Variants in SLIT3 observed in about 807,000 individuals in gnomAD.
SLIT3 encodes slit guidance ligand 3.
A neutral mutation model predicts 184.0 loss-of-function variants in SLIT3; 68 were observed. The observed-to-expected ratio is 0.37, with a 90% confidence interval of 0.30 to 0.45. The LOEUF (loss-of-function observed/expected upper bound fraction) is 0.45, where lower values mean the gene tolerates loss of function less well. Among genes scored for constraint, SLIT3 ranks in the 20% least tolerant of loss-of-function variants. The pLI, the probability that SLIT3 is intolerant of heterozygous loss-of-function variation, is 1.00. For missense variants in SLIT3, 1,707 were observed against 2,026.0 expected, an observed-to-expected ratio of 0.84 and a Z score of 3.02; for synonymous variants, 831 against 828.6, an observed-to-expected ratio of 1.00 and a Z score of -0.05.
chr5:168,892,023 A>C (rs1448465053), intron 4 of SLIT3, among the ~76,000 whole-genome samples: 1 of 152,204 alleles, frequency 6.6e-6, no homozygotes, highest in African/African-American at 2.4e-5. Flanking sequence ...ATTTGTGACC[A>C]GTGAGGATGC....
At chr5:169,204,523 G>A (rs534881804) in intron 3 of SLIT3, among the ~76,000 whole-genome samples, 22 of 152,272 alleles carry the variant, frequency 1.4e-4, no homozygotes, top group African/African-American at 4.1e-4. Flanking sequence ...TAGGAGCGAG[G>A]CACATTGATG....
chr5:168,793,459 T>A (rs1165447433), intron 10 of SLIT3, among the ~76,000 whole-genome samples: 1 of 152,196 alleles, frequency 6.6e-6, no homozygotes, highest in Non-Finnish European at 1.5e-5. Context: ...AGTCGAACAT[T>A]TTTAAGTGTG....
chr5:168,955,016 A>G (rs1162950260), intron 4 of SLIT3, among the ~76,000 whole-genome samples: 1 of 121,688 alleles, frequency 8.2e-6, no homozygotes, highest in Non-Finnish European at 1.6e-5. Flanking sequence ...GTCTTTGGGC[A>G]TTCTGGAGGA....
chr5:168,880,130 A>G (rs1252186273), intron 5 of SLIT3, among the ~76,000 whole-genome samples: 1 of 152,086 alleles, frequency 6.6e-6, no homozygotes, highest in African/African-American at 2.4e-5. Context: ...TCTCTCTCCC[A>G]AGAGACAGCG....
chr5:168,740,497 C>T (rs1023587153), intron 20 of SLIT3, among the ~76,000 whole-genome samples: 1 of 152,176 alleles, frequency 6.6e-6, no homozygotes, highest in African/African-American at 2.4e-5. Flanking sequence ...CCTGAGATAA[C>T]TAATGAGACC....
chr5:169,117,768 C>T (rs1192427717), intron 4 of SLIT3, among the ~76,000 whole-genome samples: 2 of 152,192 alleles, frequency 1.3e-5, no homozygotes, highest in Non-Finnish European at 2.9e-5. Context: ...AAGGAGAACT[C>T]TGTTTCTCCT....
chr5:168,751,296 C>T (rs184675999), intron 18 of SLIT3, among the ~76,000 whole-genome samples: 165 of 152,250 alleles, frequency 1.1e-3, no homozygotes, highest in Non-Finnish European at 4.3e-4. Flanking sequence ...TTTGCTTCTG[C>T]CTTCTAAAGG....
chr5:168,805,831 T>C (rs1018755894), intron 9 of SLIT3, among the ~76,000 whole-genome samples: 1 of 152,204 alleles, frequency 6.6e-6, no homozygotes, highest in Non-Finnish European at 1.5e-5. Context: ...ACCACTATTT[T>C]ACAGAGTACC....
chr5:168,831,926 A>T (rs1345815932), intron 6 of SLIT3, among the ~76,000 whole-genome samples: 1 of 152,220 alleles, frequency 6.6e-6, no homozygotes, highest in Non-Finnish European at 1.5e-5. Flanking sequence ...AAATGTTAAA[A>T]GTGGAAGATC....
At chr5:169,290,791 C>A (rs763702058) in intron 1 of SLIT3, among the ~76,000 whole-genome samples, 1 of 149,588 alleles carries the variant, frequency 6.7e-6, no homozygotes, top group Admixed American at 6.7e-5. Flanking sequence ...CTAGGGCACA[C>A]GCTAGGGCAT....
intron 4 of SLIT3, among the ~76,000 whole-genome samples, chr5:168,975,766 C>T (rs920634613): frequency 1.3e-5 from 2 of 152,126 alleles, no homozygotes; most frequent in African/African-American, 4.8e-5. Flanking sequence ...TTCCTCACTC[C>T]ACCTCCTTCC....
At chr5:168,810,216 T>G (rs373062893) in intron 8 of SLIT3, among the ~76,000 whole-genome samples, 2 of 152,188 alleles carry the variant, frequency 1.3e-5, no homozygotes, top group African/African-American at 2.4e-5. Context: ...CAGAGAGGAA[T>G]GGGAATAGCA....
At chr5:168,850,735 C>G (rs1374841809) in intron 5 of SLIT3, among the ~76,000 whole-genome samples, 2 of 152,248 alleles carry the variant, frequency 1.3e-5, no homozygotes, top group African/African-American at 2.4e-5. Context: ...ATAACACCTT[C>G]TATTTCATAT....
chr5:168,882,521 T>A (rs1275108250), intron 5 of SLIT3, among the ~76,000 whole-genome samples: 1 of 152,168 alleles, frequency 6.6e-6, no homozygotes, highest in Non-Finnish European at 1.5e-5. Flanking sequence ...CACAGGCGTA[T>A]ACAAGTGAGC....
Position 168,752,665 on chromosome 5 carries a change from G to C in SLIT3, c.1973+290C>G, listed in dbSNP as rs941851772. 7 of 382,462 alleles carry C rather than the reference G, an allele frequency of 1.8e-5. 1 individual carries two copies. The highest frequency in any genetic ancestry group is 1.2e-4 in the African/African-American group (6 of 48,664). The allele number at this position is 382,462 out of a possible 1,614,324, so 23.7% of individuals were successfully genotyped here. A position where few individuals can be genotyped will look rare whatever the true frequency, so the allele number is the denominator to read the frequency against. On this transcript the variant is annotated intron_variant, in intron 18 of 35. Transcript: ENST00000519560. The stretch of plus-strand genomic sequence containing the variant: ...CCACCTCAGCCTCCCAAAGTGTTAG[G>C]ATTACAGGCGTGAGCCACCATGCCT...
At chr5:168,966,791 T>C (rs1251015258) in intron 4 of SLIT3, among the ~76,000 whole-genome samples, 4 of 152,212 alleles carry the variant, frequency 2.6e-5, no homozygotes, top group African/African-American at 7.2e-5. Flanking sequence ...GCATCTACCA[T>C]TTTGTTAAAT....
intron 12 of SLIT3, among the ~76,000 whole-genome samples, chr5:168,776,252 C>T (rs1057300476): frequency 6.6e-6 from 1 of 152,168 alleles, no homozygotes; most frequent in African/African-American, 2.4e-5. Flanking sequence ...CCCCACGGTC[C>T]CGGTGCACCC....
At chr5:169,163,370 G>T (rs1000323721) in intron 4 of SLIT3, among the ~76,000 whole-genome samples, 8 of 152,186 alleles carry the variant, frequency 5.3e-5, no homozygotes, top group African/African-American at 1.9e-4. Context: ...TGATTTACAT[G>T]ACTTTCACTT....
intron 4 of SLIT3, among the ~76,000 whole-genome samples, chr5:169,076,952 G>GCACA (rs963743208): frequency 8.6e-5 from 13 of 150,916 alleles, no homozygotes; most frequent in Admixed American, 4.6e-4. Context: ...ATACACACAC[G>GCACA]CACACACACA....
Sources: allele counts gnomAD v4.1 joint callset (sites outside exome capture counted in the v4.1 genomes callset), GRCh38; gene constraint gnomAD v4.1.1; transcripts MANE v1.5; gene names NCBI Gene and HGNC (gene_info 2026-07-23, HGNC 2026-07-21).